The following PPM1H variants were observed in gnomAD, a reference collection of about 807,000 sequenced individuals.
PPM1H encodes the protein protein phosphatase, Mg2+/Mn2+ dependent 1H, also known as protein phosphatase 1H.
A neutral mutation model predicts 54.9 loss-of-function variants in PPM1H; 27 were observed. The observed-to-expected ratio is 0.49, with a 90% confidence interval of 0.36 to 0.68. PPM1H has a LOEUF of 0.68. PPM1H is among the 30% of genes least tolerant of loss of function. PPM1H has a pLI of 0.00. For synonymous variants in PPM1H, 305 were observed against 270.8 expected, an observed-to-expected ratio of 1.13 and a Z score of -1.24; for missense variants, 596 against 667.8, an observed-to-expected ratio of 0.89 and a Z score of 1.19.
At chr12:62,910,615 A>C (rs1228841107) in intron 1 of PPM1H, among the ~76,000 whole-genome samples, 1 of 152,110 alleles carries the variant, frequency 6.6e-6, no homozygotes, top group Non-Finnish European at 1.5e-5. Flanking sequence ...TATCCTTTTG[A>C]CTTATGGCAC....
chr12:62,804,900 C>T (rs557093130), intron 2 of PPM1H, among the ~76,000 whole-genome samples: 1 of 151,852 alleles, frequency 6.6e-6, no homozygotes, highest in African/African-American at 2.4e-5. Context: ...TGGTCTCGAT[C>T]TCCTGACCTC....
intron 1 of PPM1H, among the ~76,000 whole-genome samples, chr12:62,878,151 G>C (rs944681843): frequency 1.3e-5 from 2 of 152,296 alleles, no homozygotes; most frequent in Admixed American, 1.3e-4. Flanking sequence ...ACCCACCTCG[G>C]CCTCCCAAAG....
chr12:62,770,500 G>A (rs2076572386), intron 4 of PPM1H, among the ~76,000 whole-genome samples: 1 of 151,870 alleles, frequency 6.6e-6, no homozygotes, highest in Admixed American at 6.6e-5. Flanking sequence ...CTGGGCCTCT[G>A]TTGTAAGGTC....
chr12:62,887,422 G>A (rs375277692), intron 1 of PPM1H, among the ~76,000 whole-genome samples: 4 of 152,268 alleles, frequency 2.6e-5, no homozygotes, highest in South Asian at 2.1e-4. Context: ...TGTAAAACAC[G>A]TTTTCATGTT....
intron 1 of PPM1H, among the ~76,000 whole-genome samples, chr12:62,888,081 A>G (rs1445996771): frequency 6.6e-6 from 1 of 152,178 alleles, no homozygotes; most frequent in Non-Finnish European, 1.5e-5. Context: ...GGAGTCCAGA[A>G]GAGGCTGTAG....
Position 62,934,777 on chromosome 12 carries a change from G to T in PPM1H, c.-41C>A, listed in dbSNP as rs772580. The T allele has an allele frequency of 0.18, 266,826 of 1,446,000 alleles. 26,042 individuals carry two copies. The highest frequency in any genetic ancestry group is 0.2 in the Non-Finnish European group (219,762 of 1,095,510). 89.6% of individuals were successfully genotyped at this position (1,446,000 alleles called of 1,614,324 possible). The stretch of plus-strand genomic sequence containing the variant: ...GGCTGCAGCGGTGCGAGCAGGAGGC[G>T]GCGGGGGCCGGGCAAGGCGCAGCGC... On this transcript the variant is annotated 5_prime_UTR_variant, in exon 1 of 10. Transcript: ENST00000228705. This position sits in a 1 kb window ranked among gnomAD's most constrained non-coding sequence, Gnocchi z 4.2.
At chr12:62,791,341 G>A (rs1200132184) in intron 3 of PPM1H, among the ~76,000 whole-genome samples, 1 of 151,828 alleles carries the variant, frequency 6.6e-6, no homozygotes, top group Non-Finnish European at 1.5e-5. Context: ...GAGAGGAGAA[G>A]GAAAACATCA....
At chr12:62,788,013 T>A (rs1022171259) in intron 4 of PPM1H, among the ~76,000 whole-genome samples, 7 of 152,220 alleles carry the variant, frequency 4.6e-5, no homozygotes, top group African/African-American at 1.7e-4. Flanking sequence ...ACTACTGGTT[T>A]AGATTTATCA....
At chr12:62,854,196 A>C (rs1017965321) in intron 1 of PPM1H, among the ~76,000 whole-genome samples, 2 of 152,190 alleles carry the variant, frequency 1.3e-5, no homozygotes, top group African/African-American at 4.8e-5. Flanking sequence ...TTACTGTTGA[A>C]CTCTGACAAG....
chr12:62,879,608 G>C (rs1307583677), intron 1 of PPM1H, among the ~76,000 whole-genome samples: 1 of 152,104 alleles, frequency 6.6e-6, no homozygotes, highest in Non-Finnish European at 1.5e-5. Flanking sequence ...ACTGGGGCCT[G>C]TTGGGGTACG....
chr12:62,832,313 A>C (rs1248822296), intron 1 of PPM1H, 34 bp from the exon 2 acceptor site: 5 of 1,575,594 alleles, frequency 3.2e-6, no homozygotes, highest in Non-Finnish European at 4.3e-6. Context: ...GGTCAGACAG[A>C]CCGATAAAGC....
intron 4 of PPM1H, among the ~76,000 whole-genome samples, chr12:62,766,268 T>TGGGCATCTTAAGTGTGAGATTTGCA (rs1419729089): frequency 1.3e-5 from 2 of 152,210 alleles, no homozygotes; most frequent in Non-Finnish European, 2.9e-5. Context: ...ATGCTAGTTC[T>TGGGCATCTTAAGTGTGAGATTTGCA]GGGCATCTTA....
At chr12:62,705,046 A>G (rs549482471) in intron 6 of PPM1H, among the ~76,000 whole-genome samples, 1 of 152,348 alleles carries the variant, frequency 6.6e-6, no homozygotes, top group African/African-American at 2.4e-5. Context: ...GTTCTTTGGG[A>G]GACTCTACTG....
At chr12:62,809,830 A>G (rs1040305420) in intron 2 of PPM1H, among the ~76,000 whole-genome samples, 5 of 151,652 alleles carry the variant, frequency 3.3e-5, no homozygotes, top group South Asian at 4.2e-4. Flanking sequence ...AACTTCTCTC[A>G]TTTCCTCTCT....
At chr12:62,753,978 G>A (rs2120584997) in intron 4 of PPM1H, among the ~76,000 whole-genome samples, 1 of 152,244 alleles carries the variant, frequency 6.6e-6, no homozygotes, top group East Asian at 1.9e-4. Context: ...ACATTGAGAA[G>A]GTGGAGAAAA....
At chr12:62,778,382 C>A (rs561423344) in intron 4 of PPM1H, among the ~76,000 whole-genome samples, 2 of 152,274 alleles carry the variant, frequency 1.3e-5, no homozygotes, top group East Asian at 3.9e-4. Flanking sequence ...TGGGTTCTAG[C>A]CAATGGAATG....
intron 2 of PPM1H, among the ~76,000 whole-genome samples, chr12:62,830,981 G>T (rs1016890512): frequency 6.6e-6 from 1 of 152,040 alleles, no homozygotes; most frequent in Admixed American, 6.5e-5. Context: ...AGCCTCCTGA[G>T]TAGCTGGGAT....
At position 62,801,906 on chromosome 12, in the gene PPM1H, G is replaced by A. The variant is rs2076772381; in HGVS notation, c.666C>T (p.Pro222=). 3.7e-6 allele frequency: 6 copies of A among 1,613,550 alleles called. No homozygotes were observed. The highest frequency in any genetic ancestry group is 5.1e-6 in the Non-Finnish European group (6 of 1,179,694). The stretch of plus-strand genomic sequence containing the variant: ...TAAAGAAGCGTGTGGGGGGCGTGCT[G>A]GGGGAGCCCGGGGCCCCCACCCCTC... ...LRGGVGAPGS[P]STPPTRFFTE... The change falls in exon 3 of 10, where the codon CCC becomes CCT. Residue 222 remains proline, a synonymous_variant. Coordinates refer to ENST00000228705, the MANE Select transcript of PPM1H (RefSeq NM_020700.2).
chr12:62,908,005 C>T (rs1033498526), intron 1 of PPM1H, among the ~76,000 whole-genome samples: 3 of 152,100 alleles, frequency 2.0e-5, no homozygotes, highest in Admixed American at 6.5e-5. Context: ...ATTAACATTC[C>T]CTTTATTTTA....
Sources: allele counts gnomAD v4.1 joint callset (sites outside exome capture counted in the v4.1 genomes callset), GRCh38; gene constraint gnomAD v4.1.1; non-coding constraint Gnocchi (gnomAD v3.1); transcripts MANE v1.5; gene names NCBI Gene and HGNC (gene_info 2026-07-23, HGNC 2026-07-21).